KCNQ5: variants seen among roughly 807,000 people sequenced by gnomAD.
The protein encoded by KCNQ5 is potassium voltage-gated channel subfamily KQT member 5.
In KCNQ5, 30 loss-of-function variants were observed where a neutral mutation model predicts 98.2. The observed-to-expected ratio is 0.31, with a 90% confidence interval of 0.23 to 0.41. KCNQ5 has a LOEUF of 0.41. Among genes scored for constraint, KCNQ5 ranks in the 10% least tolerant of loss-of-function variants. The pLI is 1.00. For synonymous variants in KCNQ5, 458 were observed against 449.4 expected, an observed-to-expected ratio of 1.02 and a Z score of -0.24; for missense variants, 835 against 1,182.5, an observed-to-expected ratio of 0.71 and a Z score of 4.31.
intron 1 of KCNQ5, among the ~76,000 whole-genome samples, chr6:72,679,924 G>C (rs1186986721): frequency 1.3e-5 from 2 of 152,122 alleles, no homozygotes; most frequent in Non-Finnish European, 2.9e-5. Flanking sequence ...TGCAATCCCA[G>C]CTACTCGGGA....
In KCNQ5 at chr6:72,785,673, C is replaced by A. The variant is rs937014774; in HGVS notation, c.398+163086C>A. Among the ~76,000 whole-genome samples, 15 of 151,366 alleles carry A rather than the reference C, an allele frequency of 9.9e-5. No individual in the cohort carries two copies. In the East Asian group the frequency reaches 2.5e-3, roughly 25 times the overall value. On this transcript the variant is annotated intron_variant, in intron 1 of 13. Transcript: ENST00000370398. Reference sequence around the variant, plus strand: ...CTCAAAAAAAAAAAACAAAAACAAACAAACACAAAACAAAACAAACAAACA... The same window carrying A: ...CTCAAAAAAAAAAAACAAAAACAAAAAAACACAAAACAAAACAAACAAACA...
chr6:72,834,718 G>A (rs902905547), intron 1 of KCNQ5, among the ~76,000 whole-genome samples: 1 of 152,102 alleles, frequency 6.6e-6, no homozygotes, highest in African/African-American at 2.4e-5. Flanking sequence ...ATACTCCTTA[G>A]AAAACCAAAG....
intron 2 of KCNQ5, among the ~76,000 whole-genome samples, chr6:73,038,206 A>AT (rs201639503): frequency 0.017 from 2,525 of 152,090 alleles, 69 homozygotes; most frequent in African/African-American, 0.057. Flanking sequence ...AATATGATTA[A>AT]TTTTTATATT....
intron 1 of KCNQ5, among the ~76,000 whole-genome samples, chr6:72,653,218 G>A (rs1200892291): frequency 1.3e-5 from 2 of 151,802 alleles, no homozygotes; most frequent in African/African-American, 4.8e-5. Context: ...TCAACCTGCA[G>A]GTTGTCAGAA....
intron 1 of KCNQ5, among the ~76,000 whole-genome samples, chr6:72,923,681 T>C (rs1312972022): frequency 6.6e-6 from 1 of 152,232 alleles, no homozygotes; most frequent in East Asian, 1.9e-4. Context: ...AGGTAGTTTT[T>C]CAACCCAAAT....
At chr6:72,806,551 C>T (rs929726154) in intron 1 of KCNQ5, among the ~76,000 whole-genome samples, 6 of 152,234 alleles carry the variant, frequency 3.9e-5, no homozygotes, top group Middle Eastern at 3.4e-3. Context: ...TAGCAACAGA[C>T]GAAGTAAGGC....
chr6:72,739,234 A>G lies in KCNQ5; in HGVS notation c.398+116647A>G, dbSNP rs777721889. On this transcript the variant is annotated intron_variant, in intron 1 of 13. Coordinates refer to ENST00000370398, the MANE Select transcript of KCNQ5 (RefSeq NM_019842.4). ...CTTGAAAATGAAGTTTATTTTAAAT[A>G]AAAGAAAGGAATTATGAATTAATAT... 8.5e-5 allele frequency among the ~76,000 whole-genome samples: 13 copies of G among 152,324 alleles called. No individual in the cohort carries two copies. The South Asian group carries it at 1.9e-3, about 22-fold the overall frequency.
At chr6:73,149,977 T>C (rs909024964) in intron 10 of KCNQ5, among the ~76,000 whole-genome samples, 1 of 144,894 alleles carries the variant, frequency 6.9e-6, no homozygotes, top group African/African-American at 2.6e-5. Flanking sequence ...CTGATTAGAA[T>C]ATATAAAGAA....
At chr6:73,122,534 C>A (rs1775787506) in intron 8 of KCNQ5, among the ~76,000 whole-genome samples, 1 of 152,178 alleles carries the variant, frequency 6.6e-6, no homozygotes, top group South Asian at 2.1e-4. Context: ...CCTTTTCCTG[C>A]AAACTCATGA....
intron 1 of KCNQ5, among the ~76,000 whole-genome samples, chr6:72,762,770 A>G (rs2154477100): frequency 6.6e-6 from 1 of 152,198 alleles, no homozygotes; most frequent in South Asian, 2.1e-4. Context: ...TGTTTGAATA[A>G]CTAACATTTA....
At chr6:72,861,668 A>G (rs1174641375) in intron 1 of KCNQ5, among the ~76,000 whole-genome samples, 1 of 152,100 alleles carries the variant, frequency 6.6e-6, no homozygotes, top group Non-Finnish European at 1.5e-5. Flanking sequence ...CTCTCACTTG[A>G]GCTTCATGGG....
intron 1 of KCNQ5, among the ~76,000 whole-genome samples, chr6:72,855,360 T>C (rs1488379079): frequency 6.6e-6 from 1 of 151,980 alleles, no homozygotes; most frequent in Non-Finnish European, 1.5e-5. Flanking sequence ...ACTAAAATGC[T>C]AGGTTAAAAG....
At chr6:72,629,153 C>A (rs765265223) in intron 1 of KCNQ5, among the ~76,000 whole-genome samples, 2 of 152,184 alleles carry the variant, frequency 1.3e-5, no homozygotes, top group Non-Finnish European at 2.9e-5. Flanking sequence ...TCCCTTGTGG[C>A]AGATGGAATT....
chr6:73,003,313 A>C (rs896866982), intron 1 of KCNQ5, among the ~76,000 whole-genome samples: 1 of 152,194 alleles, frequency 6.6e-6, no homozygotes, highest in Non-Finnish European at 1.5e-5. Flanking sequence ...AAGGAAATGG[A>C]AAGTGTATGG....
chr6:72,851,435 A>C (rs745936305), intron 1 of KCNQ5, among the ~76,000 whole-genome samples: 12 of 152,148 alleles, frequency 7.9e-5, no homozygotes, highest in Non-Finnish European at 1.5e-4. Flanking sequence ...GACTCCCATT[A>C]TCTAAGCAAG....
chr6:73,119,790 C>G (rs1281109724), intron 7 of KCNQ5, among the ~76,000 whole-genome samples: 2 of 133,168 alleles, frequency 1.5e-5, no homozygotes, highest in Non-Finnish European at 2.9e-5. Flanking sequence ...TGCTCATGCT[C>G]AAGTCGCTCA....
At chr6:72,748,735 G>A (rs1265030397) in intron 1 of KCNQ5, among the ~76,000 whole-genome samples, 2 of 152,260 alleles carry the variant, frequency 1.3e-5, no homozygotes, top group East Asian at 1.9e-4. Context: ...TAGACAGCAT[G>A]GTATCTGAGA....
chr6:72,627,258 A>G (rs1388678014), intron 1 of KCNQ5, among the ~76,000 whole-genome samples: 1 of 152,200 alleles, frequency 6.6e-6, no homozygotes, highest in Non-Finnish European at 1.5e-5. Context: ...AGCAATAAGT[A>G]GAAAAAATGA....
chr6:73,154,830 A>C (rs1325536258), intron 10 of KCNQ5, among the ~76,000 whole-genome samples: 1 of 152,202 alleles, frequency 6.6e-6, no homozygotes, highest in African/African-American at 2.4e-5. Context: ...ATTATGTGGA[A>C]ATTTTGGGTT....
Sources: gnomAD v4.1 joint callset for allele counts (sites outside exome capture counted in the v4.1 genomes callset) on GRCh38, gnomAD v4.1.1 for gene constraint, MANE v1.5 for transcripts, NCBI Gene and HGNC (gene_info 2026-07-23, HGNC 2026-07-21) for gene names.